The following GTF2F2 variants were observed in gnomAD, a reference collection of about 807,000 sequenced individuals.
GTF2F2 encodes the protein general transcription factor IIF subunit 2, also known as ATP-dependent helicase GTF2F2.
A neutral mutation model predicts 42.2 loss-of-function variants in GTF2F2; 23 were observed. The observed-to-expected ratio is 0.55, with a 90% CI of 0.39 to 0.77. GTF2F2 has a LOEUF of 0.77. Among genes scored for constraint, GTF2F2 ranks in the 30% least tolerant of loss-of-function variants. The pLI is 0.00. For missense variants in GTF2F2, 261 were observed against 287.2 expected (o/e 0.91, Z 0.66); for synonymous variants, 105 against 100.8 (o/e 1.04, Z -0.25).
intron 6 of GTF2F2, among the ~76,000 whole-genome samples, chr13:45,254,745 A>C (rs1275773659): frequency 5.3e-5 from 8 of 152,250 alleles, no homozygotes; most frequent in Non-Finnish European, 1.0e-4. Flanking sequence ...TAATGTAATA[A>C]GTGTGATGGT....
intron 5 of GTF2F2, among the ~76,000 whole-genome samples, chr13:45,212,514 T>C (rs1208056775): frequency 2.1e-5 from 2 of 95,330 alleles, no homozygotes; most frequent in South Asian, 2.7e-4. Context: ...TTTCTTTTCT[T>C]TCTTTCTCTT....
At chr13:45,209,944 C>G (rs979917898) in intron 5 of GTF2F2, among the ~76,000 whole-genome samples, 4 of 152,086 alleles carry the variant, frequency 2.6e-5, no homozygotes, top group African/African-American at 9.7e-5. Flanking sequence ...GTTGACTGTT[C>G]CTTCAAAATG....
intron 4 of GTF2F2, among the ~76,000 whole-genome samples, chr13:45,170,980 A>G (rs1566122083): frequency 6.6e-6 from 1 of 152,086 alleles, no homozygotes; most frequent in African/African-American, 2.4e-5. Flanking sequence ...AGCAGCAGAA[A>G]TTAAATAGGC....
At chr13:45,233,339 C>T (rs544848278) in intron 5 of GTF2F2, among the ~76,000 whole-genome samples, 2 of 152,304 alleles carry the variant, frequency 1.3e-5, no homozygotes, top group African/African-American at 4.8e-5. Flanking sequence ...TCATTTTGAT[C>T]TGTATAAAAA....
intron 6 of GTF2F2, among the ~76,000 whole-genome samples, chr13:45,265,368 CTT>C (rs1876521871): frequency 6.6e-6 from 1 of 152,012 alleles, no homozygotes; most frequent in South Asian, 2.1e-4. Context: ...CTAGGTAGCT[CTT>C]TGTCCATTAC....
In GTF2F2 at chr13:45,232,474, A is replaced by T. The variant is rs558194940; in HGVS notation, c.387-20397A>T. Among the ~76,000 whole-genome samples, 84 of 151,750 alleles carry T rather than the reference A, an allele frequency of 5.5e-4. 1 individual carries two copies. The highest frequency in any genetic ancestry group is 1.7e-3 in the East Asian group (9 of 5,168). On this transcript the variant is annotated intron_variant, in intron 5 of 7. Coordinates refer to ENST00000340473, the MANE Select transcript of GTF2F2 (RefSeq NM_004128.3). ...AGATCTTGTCTCCACTAAAAATAAAATTTTTTTTAAATTAGCTGAGTGTGG... is the reference window on the plus strand; with the variant it reads ...AGATCTTGTCTCCACTAAAAATAAATTTTTTTTTAAATTAGCTGAGTGTGG...
rs572984965 is a variant in GTF2F2, at chr13:45,163,394, G to A, written c.304+11563G>A. Among the ~76,000 whole-genome samples the A allele has an allele frequency of 3.3e-5, 5 of 152,176 alleles. No individual in the cohort carries two copies. In the South Asian group the frequency reaches 1.0e-3, roughly 32 times the overall value. ...TACTAAAAATAAAAAAAATTAGCCAGGCATGGTGGCGCACGCTTGTAGCAC... is the reference window on the plus strand; with the variant it reads ...TACTAAAAATAAAAAAAATTAGCCAAGCATGGTGGCGCACGCTTGTAGCAC... On this transcript the variant is annotated intron_variant, in intron 4 of 7. Transcript: ENST00000340473.
At chr13:45,186,075 A>T (rs983181215) in intron 4 of GTF2F2, among the ~76,000 whole-genome samples, 7 of 152,004 alleles carry the variant, frequency 4.6e-5, no homozygotes, top group Admixed American at 2.6e-4. Context: ...CCTGGGTTCA[A>T]ACGATTCTTG....
chr13:45,174,916 C>T (rs1871798480), intron 4 of GTF2F2, among the ~76,000 whole-genome samples: 1 of 152,122 alleles, frequency 6.6e-6, no homozygotes, highest in African/African-American at 2.4e-5. Context: ...GAGTTGTTAG[C>T]ATATCTGTCA....
chr13:45,155,751 T>C (rs1478463004), intron 4 of GTF2F2, among the ~76,000 whole-genome samples: 6 of 152,216 alleles, frequency 3.9e-5, no homozygotes, highest in Non-Finnish European at 8.8e-5. Context: ...TCTATGAAAT[T>C]CAAAATGATC....
chr13:45,241,020 G>T (rs1349271160), intron 5 of GTF2F2, among the ~76,000 whole-genome samples: 1 of 150,594 alleles, frequency 6.6e-6, no homozygotes, highest in Non-Finnish European at 1.5e-5. Context: ...GGGTGTGGTG[G>T]CATGCATCTT....
chr13:45,284,866 C>G lies in GTF2F2; in HGVS notation c.*1305C>G, dbSNP rs1421345628. 5 of 152,146 alleles carry G rather than the reference C, an allele frequency of 3.3e-5. No homozygotes were observed. The highest frequency in any genetic ancestry group is 4.4e-5 in the Non-Finnish European group (3 of 68,026). The allele number at this position is 152,146 out of a possible 1,614,324, so 9.4% of individuals were successfully genotyped here. On this transcript the variant is annotated 3_prime_UTR_variant, in exon 8 of 8. Transcript: ENST00000340473. Reference sequence around the variant, plus strand: ...AGAAGATTTTTATTCTGTGTACACACTGAAAAATAAAATTCTGAGTAAAGA... The same window carrying G: ...AGAAGATTTTTATTCTGTGTACACAGTGAAAAATAAAATTCTGAGTAAAGA...
At chr13:45,202,099 C>CT (rs112823392) in intron 4 of GTF2F2, among the ~76,000 whole-genome samples, 4,189 of 152,142 alleles carry the variant, frequency 0.028, 204 homozygotes, top group African/African-American at 0.092. Flanking sequence ...CTTCAAAACT[C>CT]TTCTTGGCCT....
At chr13:45,204,866 T>C (rs1213303121) in intron 4 of GTF2F2, among the ~76,000 whole-genome samples, 1 of 152,174 alleles carries the variant, frequency 6.6e-6, no homozygotes, top group Non-Finnish European at 1.5e-5. Context: ...AAAGAAGATA[T>C]GATAGAAAAT....
At chr13:45,279,918 GC>G (rs1216533170) in intron 7 of GTF2F2, among the ~76,000 whole-genome samples, 3 of 116,874 alleles carry the variant, frequency 2.6e-5, no homozygotes, top group East Asian at 2.4e-4. Context: ...CCGTCCCCCC[GC>G]CCCCCCCAAA....
intron 5 of GTF2F2, among the ~76,000 whole-genome samples, chr13:45,241,564 T>A (rs1476145765): frequency 6.0e-5 from 8 of 132,432 alleles, no homozygotes; most frequent in Non-Finnish European, 1.6e-5. Flanking sequence ...TATTTTTAAT[T>A]AATTTAAATA....
intron 4 of GTF2F2, among the ~76,000 whole-genome samples, chr13:45,153,102 C>T (rs947181415): frequency 1.3e-5 from 2 of 151,456 alleles, no homozygotes; most frequent in Non-Finnish European, 1.5e-5. Flanking sequence ...CTCCGCCTAC[C>T]GGGTTCACGC....
At chr13:45,125,098 G>A (rs996585964) in intron 1 of GTF2F2, among the ~76,000 whole-genome samples, 1 of 152,168 alleles carries the variant, frequency 6.6e-6, no homozygotes, top group South Asian at 2.1e-4. Context: ...CAGATAGTAG[G>A]AGAAAAAGGA....
intron 4 of GTF2F2, among the ~76,000 whole-genome samples, chr13:45,153,819 A>C (rs909653142): frequency 3.3e-5 from 5 of 151,868 alleles, no homozygotes; most frequent in African/African-American, 1.2e-4. Context: ...CTCTATTAAA[A>C]ATAAAAAATT....
Sources: gnomAD v4.1 joint callset for allele counts (sites outside exome capture counted in the v4.1 genomes callset) on GRCh38, gnomAD v4.1.1 for gene constraint, MANE v1.5 for transcripts, NCBI Gene and HGNC (gene_info 2026-07-23, HGNC 2026-07-21) for gene names.